The following NLGN1 variants were observed in gnomAD, a reference collection of about 807,000 sequenced individuals.
NLGN1 encodes neuroligin-1.
Under a neutral mutation model 65.5 loss-of-function variants are expected in NLGN1, and 12 were observed. The ratio of observed to expected loss-of-function variants is 0.18; its 90% CI spans 0.12 to 0.30. The LOEUF is 0.30. Among genes scored for constraint, NLGN1 ranks in the 10% least tolerant of loss-of-function variants. NLGN1 has a pLI of 1.00. For synonymous variants in NLGN1, 350 were observed against 359.5 expected (o/e 0.97, Z 0.30); for missense variants, 750 against 1,007.1 (o/e 0.74, Z 3.46).
intron 4 of NLGN1, among the ~76,000 whole-genome samples, chr3:173,904,050 A>G (rs1579091474): frequency 6.6e-6 from 1 of 152,150 alleles, no homozygotes; most frequent in Non-Finnish European, 1.5e-5. Context: ...TTACAGTACA[A>G]TTTAAACTTT....
chr3:174,209,611 C>G (rs1044834223), intron 4 of NLGN1, among the ~76,000 whole-genome samples: 1 of 142,452 alleles, frequency 7.0e-6, no homozygotes, highest in African/African-American at 2.6e-5. Flanking sequence ...TGGTGTCTAT[C>G]AACCTTTCTT....
At chr3:174,253,454 C>T (rs1577604393) in intron 4 of NLGN1, among the ~76,000 whole-genome samples, 1 of 152,202 alleles carries the variant, frequency 6.6e-6, no homozygotes, top group East Asian at 1.9e-4. Context: ...GTCTCAGATT[C>T]CCTCTCATTT....
intron 4 of NLGN1, among the ~76,000 whole-genome samples, chr3:174,141,756 C>T (rs1052922179): frequency 2.6e-5 from 4 of 151,832 alleles, no homozygotes; most frequent in Non-Finnish European, 4.4e-5. Flanking sequence ...GAGAGATGAA[C>T]AATAAATAGA....
Position 173,586,486 on chromosome 3 carries a change from A to T in NLGN1, c.-320-17793A>T, listed in dbSNP as rs77166499. Among the ~76,000 whole-genome samples the T allele has an allele frequency of 0.01, 1,585 of 152,270 alleles. 41 individuals are homozygous for T. The East Asian group carries it at 0.11, about 11-fold the overall frequency. ...ACTTTCTTCCTGGATTTGTGTGTGT[A>T]TGTGTGTTTCTGAAATCTAATTTTG... is the stretch of plus-strand genomic sequence containing the variant. On this transcript the variant is annotated intron_variant, in intron 2 of 6. Coordinates refer to ENST00000457714, the Ensembl canonical transcript of NLGN1.
At chr3:173,841,910 T>C (rs1251457005) in intron 4 of NLGN1, among the ~76,000 whole-genome samples, 1 of 152,162 alleles carries the variant, frequency 6.6e-6, no homozygotes, top group Non-Finnish European at 1.5e-5. Context: ...CTCAAAAGGT[T>C]AAGAAATATA....
rs35623695 is a variant in NLGN1, at chr3:174,146,093, TTTCCTTCCTTCCTTCCTTCCTTCC to T, written c.647-129184_647-129161del. On this transcript the variant is annotated intron_variant, in intron 4 of 6. Transcript: ENST00000457714. ...ATAACCTATTAATCTATTCTACTCT[TTTCCTTCCTTCCTTCCTTCCTTCC>T]TTCCTTCCTTCCTTCCTTCCTTCCT... 2.9e-3 allele frequency among the ~76,000 whole-genome samples: 358 copies of T among 125,180 alleles called. 2 individuals are homozygous for T. Among genetic ancestry groups the T allele is most frequent in the Middle Eastern group, 0.019 (5 of 258 alleles). The allele number at this position is 125,180 out of a possible 152,430, so 82.1% of individuals were successfully genotyped here. A position where few individuals can be genotyped will look rare whatever the true frequency, so the allele number is the denominator to read the frequency against.
intron 4 of NLGN1, among the ~76,000 whole-genome samples, chr3:174,018,291 A>G (rs1186809263): frequency 6.6e-6 from 1 of 152,080 alleles, no homozygotes; most frequent in Non-Finnish European, 1.5e-5. Context: ...AGTTAACGCA[A>G]TCATCACAGG....
chr3:173,635,029 T>C (rs1055503214), intron 3 of NLGN1, among the ~76,000 whole-genome samples: 1 of 152,154 alleles, frequency 6.6e-6, no homozygotes, highest in Non-Finnish European at 1.5e-5. Flanking sequence ...ATAACACATG[T>C]AGCACATGTA....
At chr3:173,537,026 T>G (rs563479627) in intron 2 of NLGN1, among the ~76,000 whole-genome samples, 1 of 152,312 alleles carries the variant, frequency 6.6e-6, no homozygotes, top group East Asian at 1.9e-4. Flanking sequence ...TTACTCAACA[T>G]TTGTTCTCTT....
Position 173,888,746 on chromosome 3 carries a change from T to A in NLGN1, c.646+80914T>A, listed in dbSNP as rs185672826. ...GTGACGTATTTTTTTCCTAACATTA[T>A]GTATTTACATTTTTTTTGAGTGTTG... On this transcript the variant is annotated intron_variant, in intron 4 of 6. Transcript: ENST00000457714. Among the ~76,000 whole-genome samples the A allele has an allele frequency of 7.4e-5, 11 of 148,848 alleles. No homozygotes were observed. In the East Asian group the frequency reaches 2.1e-3, roughly 29 times the overall value.
intron 2 of NLGN1, among the ~76,000 whole-genome samples, chr3:173,481,707 T>C (rs1727317270): frequency 6.6e-6 from 1 of 151,924 alleles, no homozygotes; most frequent in African/African-American, 2.4e-5. Flanking sequence ...TGCTTAGATG[T>C]TGAAATTATT....
At chr3:173,958,415 T>TGG (rs1176796322) in intron 4 of NLGN1, among the ~76,000 whole-genome samples, 1 of 152,004 alleles carries the variant, frequency 6.6e-6, no homozygotes, top group Non-Finnish European at 1.5e-5. Context: ...TTTCAACAAC[T>TGG]GGAGACCCTG....
intron 1 of NLGN1, among the ~76,000 whole-genome samples, chr3:173,423,700 A>ACT (rs3030737): frequency 0.34 from 52,111 of 151,862 alleles, 9,966 homozygotes; most frequent in African/African-American, 0.51. Context: ...TGTTCCTGTG[A>ACT]CTGCAGGGTA....
intron 4 of NLGN1, among the ~76,000 whole-genome samples, chr3:174,218,980 A>G (rs1738146598): frequency 6.6e-6 from 1 of 152,052 alleles, no homozygotes; most frequent in Non-Finnish European, 1.5e-5. Context: ...TCAGCTGGTG[A>G]TTCATTATGA....
At chr3:173,539,909 T>C (rs1738526785) in intron 2 of NLGN1, among the ~76,000 whole-genome samples, 1 of 144,674 alleles carries the variant, frequency 6.9e-6, no homozygotes, top group Admixed American at 6.9e-5. Flanking sequence ...TATAAATGTA[T>C]ATATAACATA....
intron 2 of NLGN1, among the ~76,000 whole-genome samples, chr3:173,555,994 C>T (rs945440458): frequency 6.6e-6 from 1 of 152,106 alleles, no homozygotes; most frequent in Non-Finnish European, 1.5e-5. Context: ...AGAGATGAAG[C>T]TGTTCAGGTT....
intron 3 of NLGN1, among the ~76,000 whole-genome samples, chr3:173,655,983 G>C (rs1384493361): frequency 6.6e-6 from 1 of 152,038 alleles, no homozygotes; most frequent in South Asian, 2.1e-4. Flanking sequence ...CCAAGCATAG[G>C]GGCTCAAGAG....
chr3:174,171,504 T>C (rs1023638674), intron 4 of NLGN1, among the ~76,000 whole-genome samples: 1 of 152,178 alleles, frequency 6.6e-6, no homozygotes, highest in African/African-American at 2.4e-5. Context: ...AATATGATCT[T>C]GTAAAATAGT....
intron 4 of NLGN1, among the ~76,000 whole-genome samples, chr3:173,844,327 T>G (rs528276731): frequency 6.6e-6 from 1 of 152,314 alleles, no homozygotes; most frequent in East Asian, 1.9e-4. Flanking sequence ...AGGGGGTGTT[T>G]CGAGGAGAAA....
Sources: gnomAD v4.1 joint callset for allele counts (sites outside exome capture counted in the v4.1 genomes callset) on GRCh38, gnomAD v4.1.1 for gene constraint, MANE v1.5 for transcripts, NCBI Gene and HGNC (gene_info 2026-07-23, HGNC 2026-07-21) for gene names.